CACNA1D: variants seen among roughly 807,000 people sequenced by gnomAD.
CACNA1D encodes the protein voltage-dependent L-type calcium channel subunit alpha-1D.
A neutral mutation model predicts 257.1 loss-of-function variants in CACNA1D; 55 were observed. The observed-to-expected ratio is 0.21, with a 90% CI of 0.17 to 0.27. The LOEUF (loss-of-function observed/expected upper bound fraction) is 0.27, where lower values mean the gene tolerates loss of function less well. Ranked by LOEUF, CACNA1D falls within the 10% of genes least tolerant of loss-of-function variation. The pLI, the probability that CACNA1D is intolerant of heterozygous loss-of-function variation, is 1.00. For missense variants in CACNA1D, 1,876 were observed against 2,784.0 expected (o/e 0.67, Z 7.34); for synonymous variants, 980 against 1,014.9 (o/e 0.97, Z 0.65).
At chr3:53,510,451 T>C (rs1401264870) in intron 3 of CACNA1D, among the ~76,000 whole-genome samples, 1 of 152,246 alleles carries the variant, frequency 6.6e-6, no homozygotes, top group Non-Finnish European at 1.5e-5. Flanking sequence ...ACAGTTTATT[T>C]GTTTTCTTTG....
At chr3:53,734,440 GTT>G (rs1345310634) in intron 19 of CACNA1D, among the ~76,000 whole-genome samples, 2 of 151,756 alleles carry the variant, frequency 1.3e-5, no homozygotes, top group Non-Finnish European at 1.5e-5. Context: ...TTATGTGTAT[GTT>G]TTATATATAT....
intron 8 of CACNA1D, among the ~76,000 whole-genome samples, chr3:53,697,279 T>C (rs2094581264): frequency 6.6e-6 from 1 of 152,258 alleles, no homozygotes; most frequent in South Asian, 2.1e-4. Context: ...TTGTGGGCTT[T>C]CTGTCCTATA....
At chr3:53,770,161 T>C in intron 31 of CACNA1D, 144 bp downstream of exon 31, 1 of 798,654 alleles carries the variant, frequency 1.3e-6, no homozygotes, top group Non-Finnish European at 2.2e-6. Context: ...ATCATCAGTG[T>C]CCAGTACTCT....
rs1288597403 is a variant in CACNA1D at position 53,813,628 on chromosome 3, G to GTACT, written c.*2226_*2229dup. The GTACT allele has an allele frequency of 7.2e-5, 11 of 152,330 alleles. No homozygotes were observed. The highest frequency in any genetic ancestry group is 6.2e-4 in the South Asian group (3 of 4,824). 9.4% of individuals were successfully genotyped at this position (152,330 alleles called of 1,614,324 possible). A position where few individuals can be genotyped will look rare whatever the true frequency, so the allele number is the denominator to read the frequency against. On this transcript the variant is annotated 3_prime_UTR_variant, in exon 48 of 48. Coordinates refer to ENST00000350061, the MANE Select transcript of CACNA1D (RefSeq NM_001128840.3). ...GAGGCGATGATCTTTTCCAAAGTCA[G>GTACT]TACTTACAAACTGGCATTCTTACAG...
rs2095223461 is a variant in CACNA1D, at chr3:53,751,293, G to A, written c.3517-456G>A. On this transcript the variant is annotated intron_variant, in intron 27 of 47. Transcript: ENST00000350061. This position sits in a 1 kb window ranked among gnomAD's most constrained non-coding sequence, Gnocchi z 4.3. ...CCTCTCGTTCTTGTGAGTTTCTGTG[G>A]TTACTTGGCCTCCTTTCCTGGAGGA... is the stretch of plus-strand genomic sequence containing the variant. Among the ~76,000 whole-genome samples the A allele has an allele frequency of 1.3e-5, 2 of 152,220 alleles. No individual in the cohort carries two copies. The highest frequency in any genetic ancestry group is 6.5e-5 in the Admixed American group (1 of 15,290).
chr3:53,648,758 G>A (rs533938901), intron 3 of CACNA1D, among the ~76,000 whole-genome samples: 1 of 152,020 alleles, frequency 6.6e-6, no homozygotes, highest in East Asian at 1.9e-4. Context: ...GGGGGCATGA[G>A]TATAGAGGTT....
chr3:53,593,523 T>G (rs2093333945), intron 3 of CACNA1D, among the ~76,000 whole-genome samples: 2 of 152,222 alleles, frequency 1.3e-5, no homozygotes, highest in African/African-American at 4.8e-5. Flanking sequence ...TTCACTCTGC[T>G]CCCAAAGGTG....
chr3:53,550,831 C>A (rs981916656), intron 3 of CACNA1D, among the ~76,000 whole-genome samples: 1 of 151,922 alleles, frequency 6.6e-6, no homozygotes, highest in South Asian at 2.1e-4. Context: ...AAAGAGAGAC[C>A]CAGAATTGTT....
intron 3 of CACNA1D, among the ~76,000 whole-genome samples, chr3:53,556,713 T>G (rs956910035): frequency 6.8e-6 from 1 of 148,008 alleles, no homozygotes; most frequent in African/African-American, 2.5e-5. Flanking sequence ...CTTGCTCTCT[T>G]TTTTTTTTTT....
At position 53,495,946 on chromosome 3, in the gene CACNA1D, C is replaced by T. The variant is rs2090323571; in HGVS notation, c.67+713C>T. Among the ~76,000 whole-genome samples, 2 of 152,200 alleles carry T rather than the reference C, an allele frequency of 1.3e-5. No individual in the cohort carries two copies. Among genetic ancestry groups the T allele is most frequent in the South Asian group, 4.1e-4 (2 of 4,836 alleles). On this transcript the variant is annotated intron_variant, in intron 1 of 47. Coordinates refer to ENST00000350061, the MANE Select transcript of CACNA1D (RefSeq NM_001128840.3). This position sits in a 1 kb window ranked among gnomAD's most constrained non-coding sequence, Gnocchi z 5.1. ...GAGGGAGGATGGAGCAGCTCCTGGC[C>T]AGCCCTCCCCTTTGGAGACCGCCAG...
intron 3 of CACNA1D, among the ~76,000 whole-genome samples, chr3:53,595,565 C>T (rs1051596106): frequency 7.2e-5 from 11 of 152,134 alleles, no homozygotes; most frequent in South Asian, 2.1e-4. Context: ...TTGCTTCCTG[C>T]GGTGCCCCCT....
At chr3:53,802,876 C>T (rs1323089147) in intron 43 of CACNA1D, among the ~76,000 whole-genome samples, 1 of 152,176 alleles carries the variant, frequency 6.6e-6, no homozygotes, top group Non-Finnish European at 1.5e-5. Context: ...TACCACATTC[C>T]TGGGGCAGGG....
chr3:53,540,890 C>T (rs1335598517), intron 3 of CACNA1D, among the ~76,000 whole-genome samples: 1 of 152,086 alleles, frequency 6.6e-6, no homozygotes, highest in Non-Finnish European at 1.5e-5. Context: ...TACAAGTGCA[C>T]ACCACCATGC....
At chr3:53,746,639 G>C (rs561232688) in intron 25 of CACNA1D, among the ~76,000 whole-genome samples, 219 of 152,306 alleles carry the variant, frequency 1.4e-3, no homozygotes, top group African/African-American at 5.1e-3. Context: ...CTGTGTCTCT[G>C]CACCTCCAGA....
At chr3:53,602,924 C>A (rs2093462945) in intron 3 of CACNA1D, among the ~76,000 whole-genome samples, 1 of 152,166 alleles carries the variant, frequency 6.6e-6, no homozygotes, top group African/African-American at 2.4e-5. Context: ...TTGACTGTTT[C>A]CTTTGCCGTG....
chr3:53,745,575 C>G (rs2108841938), intron 23 of CACNA1D, 49 bp from the exon 24 acceptor site: 1 of 1,274,578 alleles, frequency 7.8e-7, no homozygotes, highest in East Asian at 2.3e-5. Context: ...TAGCTCACCT[C>G]AAGGCCAAAA....
intron 8 of CACNA1D, among the ~76,000 whole-genome samples, chr3:53,676,404 T>A (rs1473557602): frequency 6.6e-6 from 1 of 152,208 alleles, no homozygotes; most frequent in Non-Finnish European, 1.5e-5. Flanking sequence ...GTCTTCATAA[T>A]TTTTTAAGGG....
At chr3:53,615,963 C>T (rs541599042) in intron 3 of CACNA1D, among the ~76,000 whole-genome samples, 25 of 152,162 alleles carry the variant, frequency 1.6e-4, no homozygotes, top group Non-Finnish European at 3.1e-4. Flanking sequence ...CTCATACTTA[C>T]CTGCTTTCCA....
intron 3 of CACNA1D, among the ~76,000 whole-genome samples, chr3:53,604,670 A>G (rs936452836): frequency 6.6e-6 from 1 of 152,184 alleles, no homozygotes; most frequent in Non-Finnish European, 1.5e-5. Context: ...GAAATGGTGG[A>G]TATGAAAGTG....
Sources: allele counts gnomAD v4.1 joint callset (sites outside exome capture counted in the v4.1 genomes callset), GRCh38; gene constraint gnomAD v4.1.1; non-coding constraint Gnocchi (gnomAD v3.1); transcripts MANE v1.5; gene names NCBI Gene and HGNC (gene_info 2026-07-23, HGNC 2026-07-21).